PAN3: variants seen among roughly 807,000 people sequenced by gnomAD.
PAN3 encodes the protein PAN2-PAN3 deadenylation complex subunit PAN3.
PAN3 carries 19 observed loss-of-function variants against 96.2 expected under a neutral mutation model. The ratio of observed to expected loss-of-function variants is 0.20; its 90% confidence interval spans 0.14 to 0.29. PAN3 has a LOEUF of 0.29. Among genes scored for constraint, PAN3 ranks in the 10% least tolerant of loss-of-function variants. The pLI, the probability that PAN3 is intolerant of heterozygous loss-of-function variation, is 1.00. For synonymous variants in PAN3, 433 were observed against 406.6 expected, an observed-to-expected ratio of 1.06 and a Z score of -0.78; for missense variants, 882 against 1,108.1, an observed-to-expected ratio of 0.80 and a Z score of 2.90.
chr13:28,231,776 C>T (rs1049038013), intron 6 of PAN3, among the ~76,000 whole-genome samples: 10 of 152,138 alleles, frequency 6.6e-5, no homozygotes, highest in Non-Finnish European at 1.3e-4. Context: ...GTGGCACACA[C>T]CTGTAGTCCC....
Position 28,280,489 on chromosome 13 carries a change from A to G in PAN3, c.2267A>G (p.Gln756Arg). The change falls in exon 16 of 19, where the codon CAA (glutamine) becomes CGA (arginine). Residue 756 changes from glutamine (Q) to arginine (R), a missense_variant. Gln to Arg is a conservative substitution (Grantham distance 43). Around this residue, in one of 3 missense-constraint regions of PAN3, gnomAD observed 76 missense variants for 171.7 expected, o/e 0.44. Coordinates refer to ENST00000380958, the MANE Select transcript of PAN3 (RefSeq NM_175854.8). ...ATGATTGGTGCTCGATTTTATACTCAATTGGATGCTGCTCAAATGAGAAAT... is the reference window on the plus strand; with the variant it reads ...ATGATTGGTGCTCGATTTTATACTCGATTGGATGCTGCTCAAATGAGAAAT... ...MPMIGARFYT[Q>R]LDAAQMRNDV... 1 of 1,613,800 alleles carries G rather than the reference A, an allele frequency of 6.2e-7. No homozygotes were observed. The highest frequency in any genetic ancestry group is 8.5e-7 in the Non-Finnish European group (1 of 1,179,882).
At chr13:28,227,675 G>A (rs1410823591) in intron 6 of PAN3, among the ~76,000 whole-genome samples, 1 of 152,202 alleles carries the variant, frequency 6.6e-6, no homozygotes, top group Non-Finnish European at 1.5e-5. Context: ...ATGGAAATCT[G>A]TAGAAGCATA....
At chr13:28,146,570 A>T (rs1870683274) in intron 1 of PAN3, among the ~76,000 whole-genome samples, 2 of 152,172 alleles carry the variant, frequency 1.3e-5, no homozygotes, top group Admixed American at 6.5e-5. Context: ...AGCCTACTGC[A>T]TGCTAGGTGA....
intron 5 of PAN3, among the ~76,000 whole-genome samples, chr13:28,217,148 T>G (rs1446461144): frequency 6.6e-6 from 1 of 151,672 alleles, no homozygotes; most frequent in Admixed American, 6.6e-5. Context: ...TACAACAACA[T>G]TTAAGCTAAC....
At chr13:28,291,232 C>T (rs1869707323) in intron 18 of PAN3, among the ~76,000 whole-genome samples, 1 of 152,030 alleles carries the variant, frequency 6.6e-6, no homozygotes, top group East Asian at 1.9e-4. Flanking sequence ...GAGTTGTAAA[C>T]ATATTTTAAT....
chr13:28,184,024 T>C (rs1876135161), intron 4 of PAN3, among the ~76,000 whole-genome samples: 2 of 152,176 alleles, frequency 1.3e-5, no homozygotes, highest in South Asian at 4.1e-4. Context: ...CGTGGTTCTG[T>C]AGCTGCTCTG....
chr13:28,230,143 A>G (rs1318019609), intron 6 of PAN3, among the ~76,000 whole-genome samples: 4 of 151,278 alleles, frequency 2.6e-5, no homozygotes, highest in African/African-American at 7.3e-5. Flanking sequence ...TGAGCTTTAT[A>G]TTATCCTTTG....
chr13:28,157,355 C>G (rs1031068728), intron 1 of PAN3, among the ~76,000 whole-genome samples: 9 of 152,116 alleles, frequency 5.9e-5, no homozygotes, highest in African/African-American at 1.7e-4. Context: ...ACTAGAAGTC[C>G]TAGCCAGAGC....
intron 4 of PAN3, among the ~76,000 whole-genome samples, chr13:28,181,281 C>T (rs771740117): frequency 1.3e-5 from 2 of 151,690 alleles, no homozygotes; most frequent in African/African-American, 2.4e-5. Flanking sequence ...GGCTGAGGCT[C>T]GAGAATCACT....
At chr13:28,249,739 C>T (rs767161167) in intron 6 of PAN3, among the ~76,000 whole-genome samples, 6 of 152,260 alleles carry the variant, frequency 3.9e-5, no homozygotes, top group South Asian at 2.1e-4. Flanking sequence ...CGTGAGCCAC[C>T]GCGCCCGGCC....
chr13:28,282,340 G>GTTT (rs11406834), intron 17 of PAN3, among the ~76,000 whole-genome samples: 6 of 143,734 alleles, frequency 4.2e-5, no homozygotes, highest in African/African-American at 1.3e-4. Flanking sequence ...TTGAGGGGTT[G>GTTT]TTTTTTTTTT....
intron 5 of PAN3, among the ~76,000 whole-genome samples, chr13:28,212,017 GCTCACATACAGAGAGAA>G (rs1353126537): frequency 6.6e-6 from 1 of 152,164 alleles, no homozygotes; most frequent in African/African-American, 2.4e-5. Flanking sequence ...AGAAGAGAGA[GCTCACATACAGAGAGAA>G]CTCTGGCAAT....
chr13:28,239,261 A>G (rs1252775526), intron 6 of PAN3, among the ~76,000 whole-genome samples: 1 of 151,194 alleles, frequency 6.6e-6, no homozygotes, highest in Non-Finnish European at 1.5e-5. Flanking sequence ...ATACAACAAA[A>G]TGAAAATAGC....
chr13:28,142,392 T>C (rs1194222262), intron 1 of PAN3, among the ~76,000 whole-genome samples: 1 of 152,170 alleles, frequency 6.6e-6, no homozygotes, highest in African/African-American at 2.4e-5. Context: ...GGTTTCGAAC[T>C]CCTGGGCTCT....
At chr13:28,158,497 AAAC>A (rs1185209921) in intron 1 of PAN3, among the ~76,000 whole-genome samples, 3 of 152,212 alleles carry the variant, frequency 2.0e-5, no homozygotes, top group Non-Finnish European at 4.4e-5. Context: ...AACAAGCAAA[AAAC>A]AACTCCATTA....
intron 1 of PAN3, among the ~76,000 whole-genome samples, chr13:28,149,199 A>T (rs1256038545): frequency 2.0e-5 from 3 of 150,694 alleles, no homozygotes; most frequent in African/African-American, 7.4e-5. Flanking sequence ...TACTAAAAAT[A>T]AAAAAAATTA....
chr13:28,272,624 C>T (rs1277110545), intron 14 of PAN3, among the ~76,000 whole-genome samples: 1 of 150,656 alleles, frequency 6.6e-6, no homozygotes, highest in Non-Finnish European at 1.5e-5. Flanking sequence ...GACTGGAGTG[C>T]AATGGCGCGA....
At chr13:28,144,579 C>G (rs1294815240) in intron 1 of PAN3, among the ~76,000 whole-genome samples, 2 of 151,944 alleles carry the variant, frequency 1.3e-5, no homozygotes, top group Non-Finnish European at 2.9e-5. Flanking sequence ...ATTGAGTTAA[C>G]AAATAAAGCA....
At chr13:28,158,011 T>C (rs1271479068) in intron 1 of PAN3, among the ~76,000 whole-genome samples, 1 of 152,078 alleles carries the variant, frequency 6.6e-6, no homozygotes, top group Admixed American at 6.5e-5. Flanking sequence ...CATAGACCAA[T>C]AGAACAGAAT....
Sources: gnomAD v4.1 joint callset for allele counts (sites outside exome capture counted in the v4.1 genomes callset) on GRCh38, gnomAD v4.1.1 for gene constraint, gnomAD v4.1.1 regional missense constraint, MANE v1.5 for transcripts, NCBI Gene and HGNC (gene_info 2026-07-23, HGNC 2026-07-21) for gene names.